The following PARVA variants were observed in gnomAD, a reference collection of about 807,000 sequenced individuals.
PARVA encodes parvin alpha.
Under a neutral mutation model 52.6 loss-of-function variants are expected in PARVA, and 25 were observed. That is an observed-to-expected ratio of 0.48 (90% CI 0.35 to 0.66). The LOEUF (loss-of-function observed/expected upper bound fraction) is 0.66, where lower values mean the gene tolerates loss of function less well. Among genes scored for constraint, PARVA ranks in the 30% least tolerant of loss-of-function variants. The probability of loss-of-function intolerance (pLI) is 0.01; values close to 1 mark genes in which losing one functional copy is unlikely to be tolerated. For synonymous variants in PARVA, 185 were observed against 179.1 expected (o/e 1.03, Z -0.26); for missense variants, 373 against 450.9 (o/e 0.83, Z 1.56).
intron 5 of PARVA, among the ~76,000 whole-genome samples, chr11:12,502,656 C>T (rs1223715839): frequency 6.6e-6 from 1 of 151,906 alleles, no homozygotes; most frequent in Non-Finnish European, 1.5e-5. Context: ...TCCCAGGAGA[C>T]ATGTCGAGAG....
intron 12 of PARVA, among the ~76,000 whole-genome samples, chr11:12,520,982 G>A (rs1941629888): frequency 6.6e-6 from 1 of 152,082 alleles, no homozygotes. Flanking sequence ...TCATGCAGCT[G>A]GCAGCTTTTT....
rs535312967 is a variant in PARVA at position 12,531,825 on chromosome 11, C to T, written c.*3900C>T. ...CTGAAAACAAGAGAGCTGCATTAAGCTGCAAGGCCGGGTAGGGTAGGTAGA... is the reference window on the plus strand; with the variant it reads ...CTGAAAACAAGAGAGCTGCATTAAGTTGCAAGGCCGGGTAGGGTAGGTAGA... On this transcript the variant is annotated 3_prime_UTR_variant, in exon 13 of 13. Transcript: ENST00000334956. 1.2e-4 allele frequency among the ~76,000 whole-genome samples: 19 copies of T among 152,186 alleles called. 1 individual carries two copies. Among genetic ancestry groups the T allele is most frequent in the African/African-American group, 4.6e-4 (19 of 41,518 alleles).
intron 1 of PARVA, among the ~76,000 whole-genome samples, chr11:12,415,078 T>C (rs564937076): frequency 3.9e-4 from 59 of 152,248 alleles, no homozygotes; most frequent in African/African-American, 1.4e-3. Context: ...TCCCAACACC[T>C]TGATGAAGTG....
At chr11:12,440,988 G>A (rs765082041) in intron 1 of PARVA, among the ~76,000 whole-genome samples, 5 of 152,178 alleles carry the variant, frequency 3.3e-5, no homozygotes, top group Middle Eastern at 3.2e-3. Context: ...CTAACATAGC[G>A]CATGATATCT....
At chr11:12,376,685 TGTGA>T, upstream of PARVA, 2 of 974,848 alleles carry the variant, frequency 2.1e-6, no homozygotes, top group Non-Finnish European at 2.4e-6. Flanking sequence ...TGAGTCTGTG[TGTGA>T]GAGACAGACA....
chr11:12,500,683 C>T (rs1236670426), intron 5 of PARVA, among the ~76,000 whole-genome samples: 1 of 151,584 alleles, frequency 6.6e-6, no homozygotes, highest in African/African-American at 2.4e-5. Flanking sequence ...CCCAGCTACT[C>T]GGGAGGCTGA....
At chr11:12,409,798 C>A (rs58879804) in intron 1 of PARVA, among the ~76,000 whole-genome samples, 2,351 of 152,320 alleles carry the variant, frequency 0.015, 60 homozygotes, top group African/African-American at 0.053. Context: ...TAAGCATTTA[C>A]TAATTTGTTA....
At chr11:12,472,947 C>G (rs1940953045) in intron 1 of PARVA, among the ~76,000 whole-genome samples, 1 of 152,180 alleles carries the variant, frequency 6.6e-6, no homozygotes, top group African/African-American at 2.4e-5. Context: ...GGGGGCTGGT[C>G]ACTTGGAGGA....
At chr11:12,423,503 C>T (rs1940183838) in intron 1 of PARVA, among the ~76,000 whole-genome samples, 1 of 152,098 alleles carries the variant, frequency 6.6e-6, no homozygotes, top group Non-Finnish European at 1.5e-5. Flanking sequence ...TCACCTACCT[C>T]AGTCTTATAA....
At chr11:12,522,400 C>A (rs1233292274) in intron 12 of PARVA, among the ~76,000 whole-genome samples, 1 of 147,958 alleles carries the variant, frequency 6.8e-6, no homozygotes, top group African/African-American at 2.5e-5. Context: ...CAGAGGTAGA[C>A]AACAAATCAA....
Position 12,513,323 on chromosome 11 carries a change from T to C in PARVA, c.761T>C (p.Phe254Ser). 6.2e-7 allele frequency: 1 copy of C among 1,613,954 alleles called. No homozygotes were observed. Among genetic ancestry groups the C allele is most frequent in the Non-Finnish European group, 8.5e-7 (1 of 1,179,822 alleles). ...GAACGTGATGCCTTTGACACCTTGT[T>C]CGACCATGCCCCAGACAAGCTGAAT... ...RHERDAFDTLFDHAPDKLNVV... is the reference protein window; with the variant it reads ...RHERDAFDTLSDHAPDKLNVV... Residue 254 changes from phenylalanine to serine, a missense_variant, in exon 9 of 13, where the codon TTC (phenylalanine) becomes TCC (serine). Phe to Ser is a radical substitution (Grantham distance 155). Transcript: ENST00000334956.
intron 12 of PARVA, among the ~76,000 whole-genome samples, chr11:12,521,080 G>C (rs533216525): frequency 6.6e-6 from 1 of 152,340 alleles, no homozygotes; most frequent in African/African-American, 2.4e-5. Flanking sequence ...TTATGGTTAA[G>C]ACTCCAGAAT....
At chr11:12,413,958 A>G (rs1940028491) in intron 1 of PARVA, among the ~76,000 whole-genome samples, 1 of 152,224 alleles carries the variant, frequency 6.6e-6, no homozygotes, top group African/African-American at 2.4e-5. Flanking sequence ...GTCTCATGCC[A>G]TAGCCTAAGT....
At chr11:12,454,528 G>A (rs1020701702) in intron 1 of PARVA, among the ~76,000 whole-genome samples, 18 of 150,886 alleles carry the variant, frequency 1.2e-4, no homozygotes, top group Non-Finnish European at 2.4e-4. Flanking sequence ...AAACAAGCCT[G>A]TGTGTCACTT....
intron 4 of PARVA, among the ~76,000 whole-genome samples, chr11:12,491,448 A>C (rs1000542532): frequency 6.6e-6 from 1 of 152,186 alleles, no homozygotes; most frequent in Non-Finnish European, 1.5e-5. Context: ...GATTACAGGC[A>C]TAAAGCCACC....
intron 9 of PARVA, 67 bp from the exon 10 acceptor site, chr11:12,513,930 G>C: frequency 7.1e-7 from 1 of 1,413,448 alleles, no homozygotes; most frequent in Non-Finnish European, 9.8e-7. Context: ...CGGGAGTCAC[G>C]GAGCAGCCAC....
At chr11:12,407,858 G>A (rs549265975) in intron 1 of PARVA, among the ~76,000 whole-genome samples, 1 of 152,236 alleles carries the variant, frequency 6.6e-6, no homozygotes, top group African/African-American at 2.4e-5. Flanking sequence ...ATAAGGAGTA[G>A]GTCTCCCTGC....
At chr11:12,425,800 A>C (rs2134988765) in intron 1 of PARVA, among the ~76,000 whole-genome samples, 1 of 152,348 alleles carries the variant, frequency 6.6e-6, no homozygotes, top group Non-Finnish European at 1.5e-5. Flanking sequence ...GCAGACGTTA[A>C]GAAATACTTA....
intron 1 of PARVA, among the ~76,000 whole-genome samples, chr11:12,416,260 G>A (rs951221590): frequency 1.3e-5 from 2 of 152,172 alleles, no homozygotes; most frequent in Admixed American, 1.3e-4. Context: ...GCAACGTTAG[G>A]GCTGGTTGAG....
Sources: allele counts gnomAD v4.1 joint callset (sites outside exome capture counted in the v4.1 genomes callset), GRCh38; gene constraint gnomAD v4.1.1; transcripts MANE v1.5; gene names NCBI Gene and HGNC (gene_info 2026-07-23, HGNC 2026-07-21).